DNAH7: variants seen among roughly 807,000 people sequenced by gnomAD.
The protein encoded by DNAH7 is axonemal beta dynein heavy chain 7.
Under a neutral mutation model 444.6 loss-of-function variants are expected in DNAH7, and 397 were observed. That is an observed-to-expected ratio of 0.89 (90% CI 0.82 to 0.97). The LOEUF (loss-of-function observed/expected upper bound fraction) is 0.97. Ranked by LOEUF, DNAH7 falls within the 50% of genes least tolerant of loss-of-function variation. DNAH7 has a pLI of 0.00. For synonymous variants in DNAH7, 1,636 were observed against 1,624.4 expected (o/e 1.01, Z -0.17); for missense variants, 4,902 against 4,800.8 (o/e 1.02, Z -0.62).
chr2:195,814,858 A>C (rs1697149618), intron 51 of DNAH7, among the ~76,000 whole-genome samples: 1 of 151,728 alleles, frequency 6.6e-6, no homozygotes, highest in South Asian at 2.1e-4. Context: ...CTCCCACCTC[A>C]GCCTCCCCAG....
intron 42 of DNAH7, 52 bp from the exon 43 acceptor site, chr2:195,858,856 T>C (rs2125069274): frequency 1.4e-6 from 2 of 1,472,982 alleles, no homozygotes; most frequent in Non-Finnish European, 1.8e-6. Flanking sequence ...GTATCCTACA[T>C]GAAGGAAAAA....
chr2:195,817,059 A>C (rs755288513), intron 50 of DNAH7, 96 bp from the exon 51 acceptor site: 7 of 840,162 alleles, frequency 8.3e-6, no homozygotes, highest in Non-Finnish European at 1.1e-5. Flanking sequence ...CTTGTAACCT[A>C]AAGAAATGCA....
chr2:195,884,775 C>T lies in DNAH7; in HGVS notation c.5573G>A (p.Gly1858Asp). ...IFLFSLIWSV[G>D]ASCTDDDRLK... ...TCGATCATCATCTGTACAAGAAGCACCAACGGACCAGATCAATGAAAACAG... is the reference window on the plus strand; with the variant it reads ...TCGATCATCATCTGTACAAGAAGCATCAACGGACCAGATCAATGAAAACAG... The change falls in exon 35 of 65, where the codon GGT (glycine) becomes GAT (aspartate). Residue 1858 changes from glycine (G) to aspartate (D), a missense_variant. Coordinates refer to ENST00000312428, the MANE Select transcript of DNAH7 (RefSeq NM_018897.3). 6.2e-7 allele frequency: 1 copy of T among 1,613,630 alleles called. No homozygotes were observed. Among genetic ancestry groups the T allele is most frequent in the Admixed American group, 1.7e-5 (1 of 60,012 alleles).
chr2:195,986,338 T>C (rs1200610205), intron 14 of DNAH7, among the ~76,000 whole-genome samples: 2 of 152,192 alleles, frequency 1.3e-5, no homozygotes, highest in Non-Finnish European at 2.9e-5. Flanking sequence ...TAACACATGG[T>C]AGGTAAATAA....
At chr2:195,922,944 C>T (rs549580024) in intron 23 of DNAH7, among the ~76,000 whole-genome samples, 2 of 152,234 alleles carry the variant, frequency 1.3e-5, no homozygotes, top group South Asian at 4.1e-4. Flanking sequence ...TCACTGCAAC[C>T]TCTGCCTCCT....
At chr2:195,798,923 G>A (rs1696310750) in intron 55 of DNAH7, among the ~76,000 whole-genome samples, 1 of 152,122 alleles carries the variant, frequency 6.6e-6, no homozygotes, top group African/African-American at 2.4e-5. Flanking sequence ...CCGTTAGAGA[G>A]TGGCAGAGGG....
chr2:195,782,106 A>G (rs1363682176), intron 58 of DNAH7, among the ~76,000 whole-genome samples: 1 of 152,058 alleles, frequency 6.6e-6, no homozygotes, highest in African/African-American at 2.4e-5. Context: ...CTTCTTTTAC[A>G]CTTTTAATTT....
chr2:195,756,061 C>A, intron 62 of DNAH7, 72 bp downstream of exon 62: 1 of 1,476,678 alleles, frequency 6.8e-7, no homozygotes. Context: ...ATACTCATTA[C>A]ATTAAGCATT....
chr2:195,740,662 T>A, intron 64 of DNAH7, 104 bp downstream of exon 64: 1 of 193,846 alleles, frequency 5.2e-6, no homozygotes, highest in Non-Finnish European at 9.9e-6. Flanking sequence ...CACACACACA[T>A]ATGTATACAC....
intron 12 of DNAH7, among the ~76,000 whole-genome samples, chr2:195,996,844 A>G (rs1196054856): frequency 6.6e-6 from 1 of 152,226 alleles, no homozygotes; most frequent in Non-Finnish European, 1.5e-5. Context: ...ATAGTATCAA[A>G]GGATTCCTTA....
intron 48 of DNAH7, among the ~76,000 whole-genome samples, chr2:195,826,505 G>A (rs190698265): frequency 9.2e-5 from 14 of 152,210 alleles, no homozygotes; most frequent in Admixed American, 5.2e-4. Flanking sequence ...CTCCTTCGTC[G>A]CTCTCTTAAC....
chr2:196,047,523 G>A (rs766016951), intron 4 of DNAH7, 24 bp from the exon 5 acceptor site: 2 of 1,484,818 alleles, frequency 1.3e-6, no homozygotes, highest in Non-Finnish European at 1.8e-6. Context: ...AAAAAAAAAA[G>A]CACAATTATT....
chr2:196,025,967 G>A (rs960301090), intron 7 of DNAH7, among the ~76,000 whole-genome samples: 23 of 152,148 alleles, frequency 1.5e-4, no homozygotes, highest in African/African-American at 5.6e-4. Context: ...TGACTCCAGG[G>A]ATTTTAATTC....
In DNAH7 at chr2:195,923,669, A is replaced by G. The variant is rs781147054; in HGVS notation, c.3751T>C (p.Ser1251Pro). 6.8e-6 allele frequency: 11 copies of G among 1,614,170 alleles called. No homozygotes were observed. Among genetic ancestry groups the G allele is most frequent in the Non-Finnish European group, 9.3e-6 (11 of 1,180,026 alleles). ...VLDVHARDVL[S>P]SLVKKNISDD... Reference sequence around the variant, plus strand: ...CTAATATTTTTTTTTACAAGTGATGAGAGGACATCTCTAGCATGGACATCC... The same window carrying G: ...CTAATATTTTTTTTTACAAGTGATGGGAGGACATCTCTAGCATGGACATCC... Residue 1251 changes from serine to proline, a missense_variant, in exon 23 of 65, where the codon TCA becomes CCA. Physicochemically the swap from Ser to Pro is moderately conservative, Grantham distance 74 (BLOSUM62 -1). Transcript: ENST00000312428.
chr2:195,801,008 T>C (rs1436626523), intron 54 of DNAH7, among the ~76,000 whole-genome samples: 2 of 152,184 alleles, frequency 1.3e-5, no homozygotes, highest in African/African-American at 4.8e-5. Context: ...AATTGAAGAA[T>C]TAGTTGATAT....
intron 61 of DNAH7, among the ~76,000 whole-genome samples, chr2:195,766,005 A>T: frequency 6.6e-6 from 1 of 152,058 alleles, no homozygotes; most frequent in Non-Finnish European, 1.5e-5. Context: ...AGATGAAGAA[A>T]ACGTGGTACT....
At chr2:196,010,227 G>C (rs758718598) in intron 10 of DNAH7, among the ~76,000 whole-genome samples, 1 of 150,870 alleles carries the variant, frequency 6.6e-6, no homozygotes, top group Admixed American at 6.6e-5. Context: ...TTGGCTCACT[G>C]CAACTTCCAC....
rs545911689 is a variant in DNAH7 at position 196,056,585 on chromosome 2, G to T, written c.78+1469C>A. ...CAGGAACAATCTTTCACCAATACAGGATGAAAGATGACAGATAAATGCTAT... is the reference window on the plus strand; with the variant it reads ...CAGGAACAATCTTTCACCAATACAGTATGAAAGATGACAGATAAATGCTAT... On this transcript the variant is annotated intron_variant, in intron 2 of 64. Transcript: ENST00000312428. 4.6e-5 allele frequency among the ~76,000 whole-genome samples: 7 copies of T among 152,210 alleles called. No homozygotes were observed. The East Asian group carries it at 1.2e-3, about 25-fold the overall frequency.
chr2:195,861,770 G>A lies in DNAH7; in HGVS notation c.7683C>T (p.Thr2561=). The A allele has an allele frequency of 1.2e-6, 2 of 1,613,516 alleles. No individual in the cohort carries two copies. Among genetic ancestry groups the A allele is most frequent in the South Asian group, 2.2e-5 (2 of 91,056 alleles). The change falls in exon 42 of 65, where the codon ACC becomes ACT. Residue 2561 remains threonine (T), a synonymous_variant. Coordinates refer to ENST00000312428, the MANE Select transcript of DNAH7 (RefSeq NM_018897.3). ...ELQRYNYVTP[T]SYLELISTFK... is the part of the protein sequence containing the mutation. Reference sequence around the variant, plus strand: ...AGGTGGAGATTAATTCGAGGTAAGAGGTAGGAGTCACATAATTGTATCTTT... The same window carrying A: ...AGGTGGAGATTAATTCGAGGTAAGAAGTAGGAGTCACATAATTGTATCTTT...
Sources: gnomAD v4.1 joint callset for allele counts (sites outside exome capture counted in the v4.1 genomes callset) on GRCh38, gnomAD v4.1.1 for gene constraint, MANE v1.5 for transcripts, NCBI Gene and HGNC (gene_info 2026-07-23, HGNC 2026-07-21) for gene names.